FAM3C: variants seen among roughly 807,000 people sequenced by gnomAD.
FAM3C encodes the protein FAM3 metabolism regulating signaling molecule C.
Under a neutral mutation model 32.5 loss-of-function variants are expected in FAM3C, and 15 were observed. The ratio of observed to expected loss-of-function variants is 0.46; its 90% confidence interval spans 0.31 to 0.71. FAM3C has a LOEUF of 0.71. Ranked by LOEUF, FAM3C falls within the 30% of genes least tolerant of loss-of-function variation. The probability of loss-of-function intolerance (pLI) is 0.05; values close to 1 mark genes in which losing one functional copy is unlikely to be tolerated. For synonymous variants in FAM3C, 75 were observed against 86.1 expected (o/e 0.87, Z 0.72); for missense variants, 175 against 274.4 (o/e 0.64, Z 2.56).
At chr7:121,366,980 C>T (rs1003595929) in intron 5 of FAM3C, among the ~76,000 whole-genome samples, 4 of 151,946 alleles carry the variant, frequency 2.6e-5, no homozygotes, top group Admixed American at 1.3e-4. Context: ...TATCATAAAG[C>T]AAAGAAATAA....
At chr7:121,396,322 CCAGCT>C (rs1424427816), upstream of FAM3C, 1 of 152,212 alleles carries the variant, frequency 6.6e-6, no homozygotes, top group African/African-American at 2.4e-5. Context: ...CAGGAGAAAG[CCAGCT>C]CGCCGCTGGG....
At chr7:121,377,609 T>C (rs916448004) in intron 3 of FAM3C, among the ~76,000 whole-genome samples, 1 of 152,346 alleles carries the variant, frequency 6.6e-6, no homozygotes, top group South Asian at 2.1e-4. Context: ...TGTACAAAAA[T>C]AGTTTCCCGA....
chr7:121,358,170 A>T (rs1793848832), intron 8 of FAM3C, among the ~76,000 whole-genome samples: 1 of 152,152 alleles, frequency 6.6e-6, no homozygotes, highest in African/African-American at 2.4e-5. Flanking sequence ...ACCAGATAAA[A>T]CGCACAATGT....
intron 3 of FAM3C, among the ~76,000 whole-genome samples, chr7:121,373,221 T>G (rs1794181980): frequency 6.6e-6 from 1 of 152,050 alleles, no homozygotes; most frequent in South Asian, 2.1e-4. Context: ...GTAAATAACA[T>G]CACCTCCATT....
At chr7:121,360,537 T>C (rs188951424) in intron 7 of FAM3C, among the ~76,000 whole-genome samples, 9 of 152,248 alleles carry the variant, frequency 5.9e-5, no homozygotes, top group Admixed American at 5.9e-4. Context: ...CTTAAGTGTA[T>C]GTAAAATTGT....
intron 1 of FAM3C, among the ~76,000 whole-genome samples, chr7:121,387,077 C>T (rs1200282532): frequency 6.6e-6 from 1 of 152,072 alleles, no homozygotes; most frequent in Non-Finnish European, 1.5e-5. Flanking sequence ...GCAGTTGTAG[C>T]TAGAAAGCAA....
intron 5 of FAM3C, 184 bp from the exon 6 acceptor site, chr7:121,364,372 A>T: frequency 4.0e-6 from 2 of 497,836 alleles, no homozygotes; most frequent in South Asian, 6.9e-5. Context: ...ATAATTTTAA[A>T]GCAATGTCCT....
chr7:121,358,798 C>T (rs994227115), intron 8 of FAM3C, among the ~76,000 whole-genome samples: 3 of 151,874 alleles, frequency 2.0e-5, no homozygotes, highest in African/African-American at 7.3e-5. Flanking sequence ...ACTATATAGG[C>T]ATTAGTCTAA....
chr7:121,371,228 T>G (rs2116916710), intron 5 of FAM3C, 72 bp downstream of exon 5: 1 of 1,513,822 alleles, frequency 6.6e-7, no homozygotes, highest in Non-Finnish European at 9.1e-7. Context: ...TTTCAAAATA[T>G]CCATTAAACT....
intron 7 of FAM3C, among the ~76,000 whole-genome samples, chr7:121,361,932 C>T (rs1014666026): frequency 6.6e-6 from 1 of 152,204 alleles, no homozygotes; most frequent in Non-Finnish European, 1.5e-5. Flanking sequence ...CTGCCTCGGC[C>T]TCCCGAAGTG....
intron 5 of FAM3C, among the ~76,000 whole-genome samples, chr7:121,365,181 T>C (rs764100391): frequency 4.6e-5 from 7 of 152,164 alleles, no homozygotes; most frequent in African/African-American, 7.2e-5. Flanking sequence ...CAGAGTATTT[T>C]AGTTGATTTT....
intron 5 of FAM3C, among the ~76,000 whole-genome samples, chr7:121,367,875 A>G (rs1794054137): frequency 6.6e-6 from 1 of 152,102 alleles, no homozygotes; most frequent in Admixed American, 6.6e-5. Context: ...TGGAGGTGGG[A>G]AGATCGCTTG....
intron 1 of FAM3C, among the ~76,000 whole-genome samples, chr7:121,385,865 C>T (rs1794455843): frequency 6.6e-6 from 1 of 152,126 alleles, no homozygotes; most frequent in South Asian, 2.1e-4. Context: ...ATGTAATCTT[C>T]CCACCAGCCT....
chr7:121,374,399 T>C (rs1356390498), intron 3 of FAM3C, among the ~76,000 whole-genome samples: 1 of 152,214 alleles, frequency 6.6e-6, no homozygotes, highest in Admixed American at 6.5e-5. Context: ...ATGTGTTTTA[T>C]TTTTCTAAAA....
At position 121,372,181 on chromosome 7, in the gene FAM3C, T is replaced by C. The variant is rs113639127; in HGVS notation, c.119-42A>G. 1.0e-3 allele frequency: 1,438 copies of C among 1,394,390 alleles called. 14 individuals carry two copies. The African/African-American group carries it at 0.011, about 11-fold the overall frequency. 86.4% of individuals were successfully genotyped at this position (1,394,390 alleles called of 1,614,324 possible). On this transcript the variant is annotated intron_variant, in intron 3 of 9. Coordinates refer to ENST00000359943, the MANE Select transcript of FAM3C (RefSeq NM_014888.3). ...ACTTTTGTTAGAAGGAATGAGTCTA[T>C]TGGCAAGTATCCACTTTTAAAATAT...
At chr7:121,382,738 T>C (rs552829082) in intron 2 of FAM3C, among the ~76,000 whole-genome samples, 2 of 151,872 alleles carry the variant, frequency 1.3e-5, no homozygotes, top group Non-Finnish European at 2.9e-5. Context: ...CAATGTGTAA[T>C]TTCAACAAAA....
At chr7:121,379,129 T>C (rs1030218418) in intron 2 of FAM3C, 115 bp from the exon 3 acceptor site, 1 of 591,214 alleles carries the variant, frequency 1.7e-6, no homozygotes, top group Non-Finnish European at 3.0e-6. Flanking sequence ...ACTTTGTATC[T>C]ATTAGATCTT....
intron 8 of FAM3C, among the ~76,000 whole-genome samples, chr7:121,351,919 A>T (rs932857216): frequency 3.3e-5 from 5 of 152,192 alleles, no homozygotes; most frequent in African/African-American, 4.8e-5. Flanking sequence ...TCCCTAAAAA[A>T]TTTTGTGTAA....
intron 7 of FAM3C, 49 bp from the exon 8 acceptor site, chr7:121,360,176 A>C: frequency 1.1e-6 from 1 of 902,546 alleles, no homozygotes; most frequent in Non-Finnish European, 1.8e-6. Context: ...CTGAATAAGC[A>C]TCACGATAAT....
Sources: gnomAD v4.1 joint callset for allele counts (sites outside exome capture counted in the v4.1 genomes callset) on GRCh38, gnomAD v4.1.1 for gene constraint, MANE v1.5 for transcripts, NCBI Gene and HGNC (gene_info 2026-07-23, HGNC 2026-07-21) for gene names.